Variants in CEP72 observed in about 807,000 individuals in gnomAD.
CEP72 encodes the protein centrosomal protein 72.
CEP72 carries 78 observed loss-of-function variants against 65.7 expected under a neutral mutation model. That is an observed-to-expected ratio of 1.19 (90% CI 0.99 to 1.43). The LOEUF is 1.43. Ranked by LOEUF, CEP72 falls within the 40% of genes most tolerant of loss-of-function variation. CEP72 has a pLI of 0.00. For missense variants in CEP72, 914 were observed against 832.9 expected, an observed-to-expected ratio of 1.10 and a Z score of -1.20; for synonymous variants, 358 against 351.7, an observed-to-expected ratio of 1.02 and a Z score of -0.20.
chr5:672,210 CG>C, the CEP72 span, among the ~76,000 whole-genome samples: 2 of 152,058 alleles, frequency 1.3e-5, no homozygotes, highest in Non-Finnish European at 2.9e-5. Context: ...GCCGGCTGGC[CG>C]GGGGGGTGTA....
intron 6 of CEP72, among the ~76,000 whole-genome samples, chr5:636,031 CCTCTTAAAGGCCCTCCG>C (rs780372750): frequency 1.1e-3 from 168 of 152,378 alleles, no homozygotes; most frequent in South Asian, 2.7e-3. Context: ...GACCTGTTCA[CCTCTTAAAGGCCCTCCG>C]CTTAATACTG....
At position 653,237 on chromosome 5, in the gene CEP72, C is replaced by G. The variant is rs910283556; in HGVS notation, c.*84C>G. 13 of 1,305,050 alleles carry G rather than the reference C, an allele frequency of 1.0e-5. No individual in the cohort carries two copies. The highest frequency in any genetic ancestry group is 1.3e-5 in the Non-Finnish European group (13 of 984,046). 80.8% of individuals were successfully genotyped at this position (1,305,050 alleles called of 1,614,324 possible). A position where few individuals can be genotyped will look rare whatever the true frequency, so the allele number is the denominator to read the frequency against. Reference sequence around the variant, plus strand: ...CCTTTGTACTTCTTTATTGAGTGTACTGGCTGGCAAGAGTTCTCTCTTCTG... The same window carrying G: ...CCTTTGTACTTCTTTATTGAGTGTAGTGGCTGGCAAGAGTTCTCTCTTCTG... On this transcript the variant is annotated 3_prime_UTR_variant, in exon 12 of 12. Coordinates refer to ENST00000264935, the MANE Select transcript of CEP72 (RefSeq NM_018140.4).
At chr5:668,413 G>C (rs541151161), downstream of CEP72, among the ~76,000 whole-genome samples, 8 of 125,012 alleles carry the variant, frequency 6.4e-5, no homozygotes, top group African/African-American at 1.5e-4. Flanking sequence ...CAAGCACACA[G>C]AGAGGGGGCC....
chr5:637,307 C>T lies in CEP72; in HGVS notation c.905-210C>T, dbSNP rs73734340. 3.0e-3 allele frequency among the ~76,000 whole-genome samples: 455 copies of T among 152,320 alleles called. 1 individual carries two copies. The highest frequency in any genetic ancestry group is 0.011 in the African/African-American group (442 of 41,568). ...GTGTGCCCCAGTATGCCCCTTTCTT[C>T]CCTCGGCACCCTCCCTCTGCATGTG... On this transcript the variant is annotated intron_variant, in intron 6 of 11. Coordinates refer to ENST00000264935, the MANE Select transcript of CEP72 (RefSeq NM_018140.4).
At chr5:673,466 G>T in the CEP72 span, among the ~76,000 whole-genome samples, 5 of 152,006 alleles carry the variant, frequency 3.3e-5, no homozygotes, top group Admixed American at 6.5e-5. Context: ...GAATGGGGAG[G>T]GGGGGAGGTC....
chr5:671,367 CCTT>C (rs1284031936), downstream of CEP72, among the ~76,000 whole-genome samples: 13 of 152,210 alleles, frequency 8.5e-5, no homozygotes, highest in African/African-American at 2.9e-4. Context: ...AGGGGCCCGA[CCTT>C]CTCTAGGGGG....
chr5:619,267 T>G (rs1254905105), intron 2 of CEP72, 150 bp downstream of exon 2: 3 of 666,430 alleles, frequency 4.5e-6, no homozygotes, highest in Non-Finnish European at 7.9e-6. Flanking sequence ...TACCGTGGGC[T>G]ACATTTCATA....
intron 11 of CEP72, among the ~76,000 whole-genome samples, chr5:652,200 G>A (rs541654114): frequency 6.6e-6 from 1 of 152,306 alleles, no homozygotes; most frequent in African/African-American, 2.4e-5. Flanking sequence ...ACTGTGGCCT[G>A]GATGTGGACA....
At position 644,431 on chromosome 5, in the gene CEP72, T is replaced by C. The variant is rs1279830300; in HGVS notation, c.1666+6T>C. On this transcript the variant is annotated splice_donor_region_variant and intron_variant, in intron 10 of 11. Transcript: ENST00000264935. Reference sequence around the variant, plus strand: ...GTTAAATTTGCAGATCGCTGGTAAGTTGATCGTGTATTTGGTCACTTTGTA... The same window carrying C: ...GTTAAATTTGCAGATCGCTGGTAAGCTGATCGTGTATTTGGTCACTTTGTA... 6.2e-7 allele frequency: 1 copy of C among 1,613,400 alleles called. No homozygotes were observed. The highest frequency in any genetic ancestry group is 2.2e-5 in the East Asian group (1 of 44,880).
At chr5:667,070 C>T (rs1739947485) in exon 5 of CEP72, 1 of 147,276 alleles carries the variant, frequency 6.8e-6, no homozygotes. Context: ...GACAAATGAC[C>T]CATAAAACCC....
At chr5:639,300 C>G in intron 8 of CEP72, 76 bp downstream of exon 8, 1 of 1,475,624 alleles carries the variant, frequency 6.8e-7, no homozygotes, top group Non-Finnish European at 9.1e-7. Context: ...CGTGTGGTGA[C>G]CTAGGAGTCA....
chr5:675,536 GA>G, the CEP72 span, among the ~76,000 whole-genome samples: 654 of 130,080 alleles, frequency 5.0e-3, 16 homozygotes, highest in African/African-American at 0.017. Context: ...TGTGGCCGGG[GA>G]TGCCGTGTGG....
chr5:619,910 C>T (rs1736271954), intron 2 of CEP72, among the ~76,000 whole-genome samples, 159 bp from the exon 3 acceptor site: 3 of 151,216 alleles, frequency 2.0e-5, no homozygotes, highest in Admixed American at 2.0e-4. Flanking sequence ...GAGAACTTCA[C>T]AGATGAGAAC....
chr5:614,581 T>C (rs992359084), intron 1 of CEP72, among the ~76,000 whole-genome samples: 1 of 151,740 alleles, frequency 6.6e-6, no homozygotes, highest in African/African-American at 2.4e-5. Context: ...CCCGAGTAGC[T>C]GGAACTCCTG....
chr5:649,135 C>A (rs62639485), intron 11 of CEP72, among the ~76,000 whole-genome samples: 3 of 114,252 alleles, frequency 2.6e-5, no homozygotes, highest in Non-Finnish European at 3.6e-5. Context: ...TGAGGCGTGA[C>A]TGTGAGGCGT....
downstream of CEP72, among the ~76,000 whole-genome samples, chr5:654,266 T>TGC (rs1245485041): frequency 6.7e-6 from 1 of 148,212 alleles, no homozygotes; most frequent in Non-Finnish European, 1.5e-5. Flanking sequence ...TGTGTGTGTG[T>TGC]GCTTGTGCGC....
chr5:621,006 C>T (rs1272650733), intron 3 of CEP72, among the ~76,000 whole-genome samples: 2 of 152,210 alleles, frequency 1.3e-5, no homozygotes, highest in African/African-American at 4.8e-5. Flanking sequence ...GGCACACTGA[C>T]CAGAGTCCAT....
exon 4 of CEP72, chr5:666,078 C>T (rs777737792): frequency 1.3e-5 from 21 of 1,612,202 alleles, no homozygotes; most frequent in Admixed American, 1.2e-4. Context: ...GCTCCTCCAG[C>T]GCCTCCTGGA....
intron 6 of CEP72, among the ~76,000 whole-genome samples, chr5:636,667 G>C (rs1249421453): frequency 1.3e-5 from 2 of 152,114 alleles, no homozygotes; most frequent in Middle Eastern, 3.4e-3. Context: ...AAAAATATCT[G>C]GGCATGGTGG....
Sources: gnomAD v4.1 joint callset for allele counts (sites outside exome capture counted in the v4.1 genomes callset) on GRCh38, gnomAD v4.1.1 for gene constraint, MANE v1.5 for transcripts, NCBI Gene and HGNC (gene_info 2026-07-23, HGNC 2026-07-21) for gene names.